Variants in NAV3 observed in about 807,000 individuals in gnomAD.
NAV3 encodes neuron navigator 3.
In NAV3, 87 loss-of-function variants were observed where a neutral mutation model predicts 244.7. That is an observed-to-expected ratio of 0.36 (90% CI 0.30 to 0.42). The LOEUF (loss-of-function observed/expected upper bound fraction) is 0.42, where lower values mean the gene tolerates loss of function less well. Ranked by LOEUF, NAV3 falls within the 20% of genes least tolerant of loss-of-function variation. The probability of loss-of-function intolerance (pLI) is 1.00; values close to 1 mark genes in which losing one functional copy is unlikely to be tolerated. For synonymous variants in NAV3, 1,126 were observed against 1,042.2 expected, an observed-to-expected ratio of 1.08 and a Z score of -1.55; for missense variants, 2,663 against 2,893.3, an observed-to-expected ratio of 0.92 and a Z score of 1.83.
chr12:77,974,598 G>A (rs1565977147), intron 5 of NAV3, among the ~76,000 whole-genome samples: 1 of 151,956 alleles, frequency 6.6e-6, no homozygotes, highest in Non-Finnish European at 1.5e-5. Flanking sequence ...ATTCCCAGAT[G>A]CTATGTCAGT....
chr12:77,791,382 T>C (rs1691497841), intron 2 of NAV3, among the ~76,000 whole-genome samples: 1 of 151,726 alleles, frequency 6.6e-6, no homozygotes, highest in East Asian at 1.9e-4. Context: ...AATTCCCTTT[T>C]ATTTCATTAT....
intron 2 of NAV3, among the ~76,000 whole-genome samples, chr12:77,668,264 C>T (rs545079749): frequency 2.0e-4 from 30 of 152,166 alleles, no homozygotes; most frequent in East Asian, 7.8e-4. Context: ...TTATCAGCAA[C>T]GGATCCAAAC....
At chr12:77,692,366 A>G (rs1026009251) in intron 2 of NAV3, among the ~76,000 whole-genome samples, 1 of 152,108 alleles carries the variant, frequency 6.6e-6, no homozygotes, top group Non-Finnish European at 1.5e-5. Flanking sequence ...ACCTTGGGTC[A>G]AAGGCACTGT....
At chr12:78,109,183 G>GA (rs1470081404) in intron 12 of NAV3, among the ~76,000 whole-genome samples, 1 of 151,888 alleles carries the variant, frequency 6.6e-6, no homozygotes, top group Non-Finnish European at 1.5e-5. Flanking sequence ...ACTATATGCT[G>GA]AAAAATGGAA....
At chr12:77,699,145 C>A (rs968765147) in intron 2 of NAV3, among the ~76,000 whole-genome samples, 7 of 152,010 alleles carry the variant, frequency 4.6e-5, no homozygotes, top group Non-Finnish European at 8.8e-5. Context: ...TCATTTCATG[C>A]CTAAGAATCT....
Position 77,831,320 on chromosome 12 carries a change from A to G in NAV3, c.-142A>G. The G allele has an allele frequency of 1.1e-6, 1 of 894,188 alleles. No individual in the cohort carries two copies. The highest frequency in any genetic ancestry group is 1.6e-6 in the Non-Finnish European group (1 of 625,156). 55.4% of individuals were successfully genotyped at this position (894,188 alleles called of 1,614,324 possible). ...AGGGAAGTTTTGCCTCTTCCTGAAA[A>G]TTATATTATTAGCTTTTTAAAAATC... On this transcript the variant is annotated 5_prime_UTR_variant, in exon 1 of 40. Transcript: ENST00000397909.
intron 3 of NAV3, among the ~76,000 whole-genome samples, chr12:77,946,048 C>T (rs1020080955): frequency 6.7e-6 from 1 of 149,422 alleles, no homozygotes; most frequent in Non-Finnish European, 1.5e-5. Context: ...CATGAGCCAC[C>T]ATGCCTGGCC....
intron 2 of NAV3, among the ~76,000 whole-genome samples, chr12:77,608,870 G>T (rs1186579742): frequency 6.6e-6 from 1 of 151,980 alleles, no homozygotes; most frequent in Non-Finnish European, 1.5e-5. Flanking sequence ...CCAGGCATTT[G>T]TATGACCTCC....
At chr12:77,753,457 T>G (rs1454269690) in intron 2 of NAV3, among the ~76,000 whole-genome samples, 1 of 152,180 alleles carries the variant, frequency 6.6e-6, no homozygotes, top group Non-Finnish European at 1.5e-5. Flanking sequence ...AAAGCCACCT[T>G]CATCCCGAAA....
At chr12:77,997,201 G>A (rs1419454912) in intron 6 of NAV3, among the ~76,000 whole-genome samples, 1 of 132,246 alleles carries the variant, frequency 7.6e-6, no homozygotes, top group Non-Finnish European at 1.5e-5. Context: ...TTGTGCCACT[G>A]CACTCTAGCC....
chr12:78,116,285 G>A (rs923852805), intron 12 of NAV3, among the ~76,000 whole-genome samples: 1 of 152,148 alleles, frequency 6.6e-6, no homozygotes, highest in African/African-American at 2.4e-5. Context: ...AGAATAATGA[G>A]ACTCATGCAA....
chr12:78,104,864 C>T (rs1954721752), intron 12 of NAV3, among the ~76,000 whole-genome samples: 1 of 152,072 alleles, frequency 6.6e-6, no homozygotes. Context: ...AATCTGGCAT[C>T]TTTAACTTAA....
chr12:77,637,466 G>A (rs966179057), intron 2 of NAV3, among the ~76,000 whole-genome samples: 7 of 152,000 alleles, frequency 4.6e-5, no homozygotes, highest in South Asian at 2.1e-4. Flanking sequence ...TCAAAGATAC[G>A]TATTTTTAAA....
At chr12:78,128,636 T>G in intron 17 of NAV3, 70 bp from the exon 18 acceptor site, 1 of 1,473,368 alleles carries the variant, frequency 6.8e-7, no homozygotes, top group Non-Finnish European at 9.2e-7. Context: ...TCCTCTGAAT[T>G]GTTTTCCTGT....
At chr12:78,087,435 C>T (rs1236112836) in intron 12 of NAV3, among the ~76,000 whole-genome samples, 3 of 151,852 alleles carry the variant, frequency 2.0e-5, no homozygotes, top group African/African-American at 7.2e-5. Flanking sequence ...AGAAGGAACC[C>T]CAAAGCATCT....
intron 12 of NAV3, among the ~76,000 whole-genome samples, chr12:78,063,715 C>A (rs1884613771): frequency 6.6e-6 from 1 of 152,100 alleles, no homozygotes; most frequent in Non-Finnish European, 1.5e-5. Context: ...AACACAGTAG[C>A]ATTTAAGCAG....
At chr12:77,650,479 A>G (rs1347744339) in intron 2 of NAV3, among the ~76,000 whole-genome samples, 1 of 152,176 alleles carries the variant, frequency 6.6e-6, no homozygotes, top group Non-Finnish European at 1.5e-5. Flanking sequence ...TCAAGGAGGT[A>G]CAGTTGGAAG....
At position 77,815,565 on chromosome 12, in the gene NAV3, G is replaced by A. The variant is rs528494101; in HGVS notation, c.73-124754G>A. On this transcript the variant is annotated intron_variant, in intron 2 of 8. Transcript: ENST00000550042. Reference sequence around the variant, plus strand: ...AATCCTGATATAGCTCCTGATGAATGCATTTCCAAATTATCATGTGTATCA... The same window carrying A: ...AATCCTGATATAGCTCCTGATGAATACATTTCCAAATTATCATGTGTATCA... 2.4e-3 allele frequency among the ~76,000 whole-genome samples: 360 copies of A among 152,196 alleles called. 1 individual carries two copies. Among genetic ancestry groups the A allele is most frequent in the African/African-American group, 8.5e-3 (351 of 41,528 alleles).
intron 20 of NAV3, among the ~76,000 whole-genome samples, chr12:78,142,380 A>T (rs422884): frequency 6.6e-6 from 1 of 151,822 alleles, no homozygotes; most frequent in Admixed American, 6.6e-5. Flanking sequence ...TATCTACACT[A>T]TCTAATATAG....
Sources: allele counts gnomAD v4.1 joint callset (sites outside exome capture counted in the v4.1 genomes callset), GRCh38; gene constraint gnomAD v4.1.1; transcripts MANE v1.5; gene names NCBI Gene and HGNC (gene_info 2026-07-23, HGNC 2026-07-21).